CD226: variants seen among roughly 807,000 people sequenced by gnomAD.
CD226 encodes CD226 molecule.
CD226 carries 24 observed loss-of-function variants against 34.9 expected under a neutral mutation model. The observed-to-expected ratio is 0.69, with a 90% confidence interval of 0.50 to 0.97. CD226 has a LOEUF of 0.97. CD226 is among the 50% of genes least tolerant of loss of function. CD226 has a pLI of 0.00. For synonymous variants in CD226, 148 were observed against 147.4 expected, an observed-to-expected ratio of 1.00 and a Z score of -0.03; for missense variants, 397 against 412.7, an observed-to-expected ratio of 0.96 and a Z score of 0.33.
rs1166893767 is a variant in CD226 at position 69,858,694 on chromosome 18, C to CCA, written c.*5618_*5619dup. ...TCGGGTGTCCTGGGAATTCTATGAG[C>CCA]CACCCCTATGTTCAAATACTTAACT... On this transcript the variant is annotated 3_prime_UTR_variant, in exon 6 of 6. Coordinates refer to ENST00000582621, the MANE Select transcript of CD226 (RefSeq NM_001303618.2). 6.7e-6 allele frequency: 1 copy of CCA among 148,778 alleles called. No homozygotes were observed. The allele number at this position is 148,778 out of a possible 1,614,324, so 9.2% of individuals were successfully genotyped here. A position where few individuals can be genotyped will look rare whatever the true frequency, so the allele number is the denominator to read the frequency against.
At chr18:69,950,000 TCA>T (rs1031859866), upstream of CD226, among the ~76,000 whole-genome samples, 1 of 150,902 alleles carries the variant, frequency 6.6e-6, no homozygotes, top group Non-Finnish European at 1.5e-5. Context: ...ACTTTGTTTC[TCA>T]CACTCTCTCA....
At position 69,861,659 on chromosome 18, in the gene CD226, C is replaced by A. The variant is rs903323838; in HGVS notation, c.*2655G>T. 6.6e-6 allele frequency: 1 copy of A among 150,426 alleles called. No individual in the cohort carries two copies. The highest frequency in any genetic ancestry group is 1.5e-5 in the Non-Finnish European group (1 of 67,610). 9.3% of individuals were successfully genotyped at this position (150,426 alleles called of 1,614,324 possible). On this transcript the variant is annotated 3_prime_UTR_variant, in exon 6 of 6. Transcript: ENST00000582621. Reference sequence around the variant, plus strand: ...AAATAGAATTTACTGGAATTCTGATCGTTTATTCTGTGGATCTGTTTTTCA... The same window carrying A: ...AAATAGAATTTACTGGAATTCTGATAGTTTATTCTGTGGATCTGTTTTTCA...
At chr18:69,954,143 C>T (rs1384398248) in intron 1 of CD226, among the ~76,000 whole-genome samples, 1 of 152,072 alleles carries the variant, frequency 6.6e-6, no homozygotes, top group Admixed American at 6.6e-5. Context: ...ATGAATGAGG[C>T]CACCCCATCT....
chr18:69,893,486 T>TA (rs1568174086), intron 3 of CD226, among the ~76,000 whole-genome samples: 1 of 152,230 alleles, frequency 6.6e-6, no homozygotes. Context: ...TTTCAGCATA[T>TA]AATGGGCAAA....
chr18:69,895,478 G>GAA (rs2145243826), intron 3 of CD226, among the ~76,000 whole-genome samples: 1 of 152,178 alleles, frequency 6.6e-6, no homozygotes, highest in South Asian at 2.1e-4. Context: ...TGGCAGATAA[G>GAA]AAAATTGGAA....
At chr18:69,890,068 C>T (rs931592702) in intron 3 of CD226, among the ~76,000 whole-genome samples, 1 of 152,020 alleles carries the variant, frequency 6.6e-6, no homozygotes, top group African/African-American at 2.4e-5. Flanking sequence ...TTTCTTTGAT[C>T]AACAATCAGT....
intron 4 of CD226, among the ~76,000 whole-genome samples, chr18:69,867,878 G>A (rs145609297): frequency 6.6e-6 from 1 of 152,276 alleles, no homozygotes; most frequent in African/African-American, 2.4e-5. Context: ...AATCACTTAT[G>A]TAGATTATTT....
At chr18:69,903,878 C>T (rs1485361048) in intron 2 of CD226, among the ~76,000 whole-genome samples, 1 of 152,116 alleles carries the variant, frequency 6.6e-6, no homozygotes, top group East Asian at 1.9e-4. Context: ...GTATCATGTG[C>T]CAGCAGCTCT....
At chr18:69,948,255 C>G (rs907982170), upstream of CD226, among the ~76,000 whole-genome samples, 20 of 152,238 alleles carry the variant, frequency 1.3e-4, no homozygotes, top group African/African-American at 4.8e-4. Context: ...TTATAAAATA[C>G]AAGTTCCAAT....
At position 69,867,379 on chromosome 18, in the gene CD226, G is replaced by C; in HGVS notation, c.863C>G (p.Thr288Arg). 6.3e-7 allele frequency: 1 copy of C among 1,596,482 alleles called. No homozygotes were observed. The highest frequency in any genetic ancestry group is 1.1e-5 in the South Asian group (1 of 90,774). The change falls in exon 5 of 6, where the codon ACA becomes AGA. Residue 288 changes from threonine to arginine, a missense_variant. Physicochemically the swap from Thr to Arg is moderately conservative, Grantham distance 71. Coordinates refer to ENST00000582621, the MANE Select transcript of CD226 (RefSeq NM_001303618.2). The stretch of plus-strand genomic sequence containing the variant: ...TACCTTCTGTGTATCCCAGGACTCT[G>C]TAAATAGATCTCTTCTCTCTCTCCT... ...RRRRERRDLF[T>R]ESWDTQKAPN...
At position 69,898,908 on chromosome 18, in the gene CD226, T is replaced by C. The variant is rs78113081; in HGVS notation, c.383-2863A>G. ...CTTGGAATTGGAAAGTGGATTCACGTGAAACAGACCAAAATGTCGTAGTTA... is the reference window on the plus strand; with the variant it reads ...CTTGGAATTGGAAAGTGGATTCACGCGAAACAGACCAAAATGTCGTAGTTA... On this transcript the variant is annotated intron_variant, in intron 2 of 5. Transcript: ENST00000582621. Among the ~76,000 whole-genome samples the C allele has an allele frequency of 3.4e-3, 514 of 152,284 alleles. 1 individual carries two copies. Among genetic ancestry groups the C allele is most frequent in the Non-Finnish European group, 6.1e-3 (417 of 68,026 alleles).
At chr18:69,959,752 A>G (rs2055920909), upstream of CD226, among the ~76,000 whole-genome samples, 1 of 152,210 alleles carries the variant, frequency 6.6e-6, no homozygotes, top group Non-Finnish European at 1.5e-5. Flanking sequence ...GGGGAACCCT[A>G]TGATGAAACG....
chr18:69,937,185 C>T (rs1037609269), intron 2 of CD226, among the ~76,000 whole-genome samples: 10 of 152,136 alleles, frequency 6.6e-5, no homozygotes, highest in Admixed American at 3.9e-4. Flanking sequence ...AATTGTAAAC[C>T]GGAATAAATT....
At chr18:69,872,043 T>A (rs1278116980) in intron 4 of CD226, among the ~76,000 whole-genome samples, 1 of 133,206 alleles carries the variant, frequency 7.5e-6, no homozygotes, top group East Asian at 2.2e-4. Flanking sequence ...ACACTGGAAA[T>A]CCTATTAACA....
At chr18:69,875,133 TATTTTA>T (rs1274934592) in intron 3 of CD226, among the ~76,000 whole-genome samples, 2 of 152,146 alleles carry the variant, frequency 1.3e-5, no homozygotes, top group African/African-American at 2.4e-5. Flanking sequence ...TTATTTATTT[TATTTTA>T]ATTTTATTTT....
intron 2 of CD226, among the ~76,000 whole-genome samples, chr18:69,908,534 TGA>T (rs1185849651): frequency 6.6e-6 from 1 of 152,198 alleles, no homozygotes; most frequent in African/African-American, 2.4e-5. Flanking sequence ...AATGAAAATT[TGA>T]GATATGGTTA....
At chr18:69,958,378 A>G (rs536353405), upstream of CD226, among the ~76,000 whole-genome samples, 8 of 152,166 alleles carry the variant, frequency 5.3e-5, no homozygotes, top group African/African-American at 1.7e-4. Context: ...TCCCAATTCC[A>G]TCTTGTTTCC....
chr18:69,904,488 A>G (rs917891776), intron 2 of CD226, among the ~76,000 whole-genome samples: 4 of 152,176 alleles, frequency 2.6e-5, no homozygotes, highest in African/African-American at 9.7e-5. Flanking sequence ...GAATCTTGAG[A>G]TTGGCTCCTG....
chr18:69,882,099 G>A (rs1442172594), intron 3 of CD226, among the ~76,000 whole-genome samples: 1 of 152,130 alleles, frequency 6.6e-6, no homozygotes, highest in Non-Finnish European at 1.5e-5. Flanking sequence ...GTATTATCAG[G>A]TTTTAACTAA....
Sources: allele counts gnomAD v4.1 joint callset (sites outside exome capture counted in the v4.1 genomes callset), GRCh38; gene constraint gnomAD v4.1.1; transcripts MANE v1.5; gene names NCBI Gene and HGNC (gene_info 2026-07-23, HGNC 2026-07-21).